Variants in LPP observed in about 807,000 individuals in gnomAD.
LPP encodes lipoma-preferred partner.
A neutral mutation model predicts 60.4 loss-of-function variants in LPP; 38 were observed. That is an observed-to-expected ratio of 0.63 (90% CI 0.49 to 0.83). The LOEUF (loss-of-function observed/expected upper bound fraction) is 0.83. Among genes scored for constraint, LPP ranks in the 40% least tolerant of loss-of-function variants. LPP has a pLI of 0.00. For missense variants in LPP, 902 were observed against 783.6 expected, an observed-to-expected ratio of 1.15 and a Z score of -1.80; for synonymous variants, 328 against 290.8, an observed-to-expected ratio of 1.13 and a Z score of -1.30.
intron 4 of LPP, among the ~76,000 whole-genome samples, chr3:188,433,003 A>G (rs908113274): frequency 6.6e-6 from 1 of 152,144 alleles, no homozygotes; most frequent in Non-Finnish European, 1.5e-5. Flanking sequence ...TGCTTTGGCT[A>G]TGTACACCAG....
At chr3:188,249,833 C>CACACAA (rs1728446366) in intron 2 of LPP, among the ~76,000 whole-genome samples, 1 of 116,484 alleles carries the variant, frequency 8.6e-6, no homozygotes, top group Non-Finnish European at 1.7e-5. Flanking sequence ...TCTGTCTACA[C>CACACAA]ACACACACAC....
intron 7 of LPP, among the ~76,000 whole-genome samples, chr3:188,685,286 ATTGACCCTACAGAGAATGT>A (rs1353555241): frequency 1.3e-5 from 2 of 152,108 alleles, no homozygotes; most frequent in African/African-American, 2.4e-5. Flanking sequence ...GACTAGCAGA[ATTGACCCTACAGAGAATGT>A]TTGACCCTAC....
At chr3:188,852,835 T>C (rs1360656802) in intron 9 of LPP, among the ~76,000 whole-genome samples, 1 of 152,118 alleles carries the variant, frequency 6.6e-6, no homozygotes, top group Non-Finnish European at 1.5e-5. Flanking sequence ...GAAAACTATA[T>C]CACATTTTAA....
intron 6 of LPP, among the ~76,000 whole-genome samples, chr3:188,527,210 C>T (rs1452493001): frequency 6.6e-6 from 1 of 151,852 alleles, no homozygotes; most frequent in Non-Finnish European, 1.5e-5. Context: ...AATAGCTGTG[C>T]GTGGTGGCGC....
At chr3:188,389,091 C>T (rs1411403152) in intron 3 of LPP, among the ~76,000 whole-genome samples, 3 of 151,704 alleles carry the variant, frequency 2.0e-5, no homozygotes, top group African/African-American at 4.8e-5. Flanking sequence ...ATTTATATTT[C>T]CCTGATTATT....
intron 2 of LPP, among the ~76,000 whole-genome samples, chr3:188,237,070 T>C (rs1722177043): frequency 6.6e-6 from 1 of 151,980 alleles, no homozygotes; most frequent in Non-Finnish European, 1.5e-5. Context: ...AAATATTTGA[T>C]ATACTTTTTT....
chr3:188,368,809 C>A (rs1772100595), intron 3 of LPP, among the ~76,000 whole-genome samples: 1 of 151,496 alleles, frequency 6.6e-6, no homozygotes, highest in South Asian at 2.1e-4. Flanking sequence ...CTCTATAGGA[C>A]CTCGAATGTC....
intron 10 of LPP, among the ~76,000 whole-genome samples, chr3:188,867,478 A>G (rs1394639481): frequency 1.3e-5 from 2 of 151,862 alleles, no homozygotes; most frequent in Non-Finnish European, 2.9e-5. Context: ...CAAGGAGCTG[A>G]GACTACAGGC....
At chr3:188,173,374 C>T (rs1722133089) in intron 1 of LPP, among the ~76,000 whole-genome samples, 1 of 152,004 alleles carries the variant, frequency 6.6e-6, no homozygotes, top group Admixed American at 6.6e-5. Context: ...TGTGGTGGCT[C>T]ACGCCTGTAG....
chr3:188,608,472 C>A (rs1033875780), intron 6 of LPP, among the ~76,000 whole-genome samples: 1 of 151,782 alleles, frequency 6.6e-6, no homozygotes, highest in South Asian at 2.1e-4. Flanking sequence ...CATCAAAAAT[C>A]AATTGACTGT....
chr3:188,442,093 T>C (rs1432638762), intron 4 of LPP, among the ~76,000 whole-genome samples: 3 of 152,116 alleles, frequency 2.0e-5, no homozygotes, highest in African/African-American at 7.2e-5. Context: ...AATGAAAAAA[T>C]GAATAAGTGA....
intron 1 of LPP, among the ~76,000 whole-genome samples, chr3:188,205,222 A>G (rs1732829129): frequency 6.6e-6 from 1 of 152,070 alleles, no homozygotes; most frequent in Admixed American, 6.6e-5. Context: ...TAGAGAGATG[A>G]AATAACTTGC....
chr3:188,841,241 T>C (rs1759886887), intron 9 of LPP, among the ~76,000 whole-genome samples: 1 of 152,148 alleles, frequency 6.6e-6, no homozygotes, highest in African/African-American at 2.4e-5. Context: ...AAGGTGGATG[T>C]CTGAAGGTGG....
chr3:188,507,448 A>C lies in LPP; in HGVS notation c.307-17217A>C, dbSNP rs1813864501. On this transcript the variant is annotated intron_variant, in intron 5 of 11. Coordinates refer to ENST00000617246, the MANE Select transcript of LPP (RefSeq NM_001375462.1). ...TGTGTTTCCTTAGTGCCATTTCGAA[A>C]GGGGGAAAAAATAAATATGGGAATT... Among the ~76,000 whole-genome samples, 7 of 152,148 alleles carry C rather than the reference A, an allele frequency of 4.6e-5. No homozygotes were observed. The South Asian group carries it at 1.2e-3, about 27-fold the overall frequency.
chr3:188,618,698 G>A (rs1315210705), intron 7 of LPP, among the ~76,000 whole-genome samples: 1 of 152,180 alleles, frequency 6.6e-6, no homozygotes, highest in Admixed American at 6.5e-5. Context: ...AGTCAACATT[G>A]CTATTAAGAG....
rs560097055 is a variant in LPP at position 188,694,708 on chromosome 3, A to T, written c.1114-13559A>T. The stretch of plus-strand genomic sequence containing the variant: ...GTGAAACTCCATCTCAAAAAAAAAA[A>T]AATAAATAAAAACTAAAAAACAACC... On this transcript the variant is annotated intron_variant, in intron 7 of 11. Transcript: ENST00000617246. Among the ~76,000 whole-genome samples the T allele has an allele frequency of 2.4e-3, 356 of 151,364 alleles. 1 individual carries two copies. Among genetic ancestry groups the T allele is most frequent in the Admixed American group, 4.3e-3 (66 of 15,260 alleles).
intron 5 of LPP, among the ~76,000 whole-genome samples, chr3:188,497,968 T>G (rs559580389): frequency 6.6e-5 from 10 of 152,290 alleles, no homozygotes; most frequent in African/African-American, 2.4e-4. Flanking sequence ...TAACACCCAC[T>G]GTGTTTCTGC....
At chr3:188,755,094 C>T (rs1483842375) in intron 8 of LPP, among the ~76,000 whole-genome samples, 1 of 152,134 alleles carries the variant, frequency 6.6e-6, no homozygotes, top group Non-Finnish European at 1.5e-5. Flanking sequence ...GAAGAATGTG[C>T]TTAATGGGAA....
rs547079671 is a variant in LPP, at chr3:188,502,779, C to T, written c.306+18075C>T. Reference sequence around the variant, plus strand: ...TTTAGCCTAACCTACTCTAAACATACTCAGAACACTTGCATTAGCAGACAG... The same window carrying T: ...TTTAGCCTAACCTACTCTAAACATATTCAGAACACTTGCATTAGCAGACAG... On this transcript the variant is annotated intron_variant, in intron 5 of 11. Coordinates refer to ENST00000617246, the MANE Select transcript of LPP (RefSeq NM_001375462.1). 8.1e-4 allele frequency among the ~76,000 whole-genome samples: 123 copies of T among 152,054 alleles called. 1 individual carries two copies. Among genetic ancestry groups the T allele is most frequent in the Admixed American group, 2.0e-3 (30 of 15,264 alleles).
Sources: allele counts gnomAD v4.1 joint callset (sites outside exome capture counted in the v4.1 genomes callset), GRCh38; gene constraint gnomAD v4.1.1; transcripts MANE v1.5; gene names NCBI Gene and HGNC (gene_info 2026-07-23, HGNC 2026-07-21).